Variants in SRPK2 observed in about 807,000 individuals in gnomAD.
SRPK2 encodes the protein SFRS protein kinase 2.
Under a neutral mutation model 90.8 loss-of-function variants are expected in SRPK2, and 21 were observed. The ratio of observed to expected loss-of-function variants is 0.23; its 90% CI spans 0.16 to 0.33. SRPK2 has a LOEUF of 0.33. Among genes scored for constraint, SRPK2 ranks in the 10% least tolerant of loss-of-function variants. The probability of loss-of-function intolerance (pLI) is 1.00; values close to 1 mark genes in which losing one functional copy is unlikely to be tolerated. For synonymous variants in SRPK2, 288 were observed against 311.1 expected, an observed-to-expected ratio of 0.93 and a Z score of 0.78; for missense variants, 620 against 869.0, an observed-to-expected ratio of 0.71 and a Z score of 3.60.
At chr7:105,325,225 GT>G (rs1813423953) in intron 2 of SRPK2, among the ~76,000 whole-genome samples, 1 of 152,144 alleles carries the variant, frequency 6.6e-6, no homozygotes, top group Admixed American at 6.6e-5. Context: ...TTTGAAACTA[GT>G]GGCTATGCTT....
rs148512599 is a variant in SRPK2, at chr7:105,397,903, T to C, written n.153+1253A>G. On this transcript the variant is annotated intron_variant and non_coding_transcript_variant, in intron 1 of 3. Transcript: ENST00000462282. Reference sequence around the variant, plus strand: ...CCTCAAGTGACCCACTCACCTCGGCTTCCCGAAGTGCTGGGATTACAGGTG... The same window carrying C: ...CCTCAAGTGACCCACTCACCTCGGCCTCCCGAAGTGCTGGGATTACAGGTG... Among the ~76,000 whole-genome samples the C allele has an allele frequency of 5.4e-3, 816 of 152,184 alleles. 17 individuals are homozygous for C. In the East Asian group the frequency reaches 0.067, roughly 12 times the overall value.
intron 2 of SRPK2, among the ~76,000 whole-genome samples, chr7:105,269,759 C>A (rs1479728985): frequency 2.6e-5 from 4 of 152,190 alleles, no homozygotes; most frequent in Admixed American, 6.5e-5. Flanking sequence ...CAACGACTGA[C>A]TAAAGCACAT....
chr7:105,244,984 C>T (rs1801406182), intron 2 of SRPK2: 1 of 1,127,974 alleles, frequency 8.9e-7, no homozygotes, highest in Admixed American at 2.0e-5. Flanking sequence ...CCCTTCCCTG[C>T]CCTCTCCCTG....
intron 2 of SRPK2, among the ~76,000 whole-genome samples, chr7:105,352,116 C>T (rs1248977166): frequency 3.3e-5 from 5 of 152,250 alleles, no homozygotes; most frequent in African/African-American, 9.6e-5. Context: ...CTAGAATCCC[C>T]GTCTTTTAAC....
intron 14 of SRPK2, 51 bp from the exon 15 acceptor site, chr7:105,126,391 G>A (rs182047476): frequency 8.1e-6 from 11 of 1,350,080 alleles, no homozygotes; most frequent in Admixed American, 5.7e-5. Flanking sequence ...CAAAGGGAAG[G>A]ATGGGATAAA....
At chr7:105,235,481 T>C (rs938006393) in intron 2 of SRPK2, among the ~76,000 whole-genome samples, 7 of 144,580 alleles carry the variant, frequency 4.8e-5, no homozygotes, top group South Asian at 4.4e-4. Flanking sequence ...TGTGTGTGTG[T>C]GCATGTGCAT....
chr7:105,309,567 C>G (rs1811488210), intron 2 of SRPK2, among the ~76,000 whole-genome samples: 2 of 152,164 alleles, frequency 1.3e-5, no homozygotes, highest in Admixed American at 6.5e-5. Context: ...AACCAGAACC[C>G]CATCTTTTAC....
rs551030338 is a variant in SRPK2, at chr7:105,280,860, T to C, written c.72-77075A>G. ...TACTCAGGAGGCTGACGCAGGAGAA[T>C]GGCGTGAACCCAGGAGGCAGAGTTT... On this transcript the variant is annotated intron_variant, in intron 2 of 15. Coordinates refer to ENST00000393651, the MANE Select transcript of SRPK2 (RefSeq NM_182692.3). 3.3e-3 allele frequency among the ~76,000 whole-genome samples: 441 copies of C among 135,508 alleles called. 1 individual carries two copies. The highest frequency in any genetic ancestry group is 4.5e-3 in the Non-Finnish European group (293 of 65,536). 88.9% of individuals were successfully genotyped at this position (135,508 alleles called of 152,430 possible).
chr7:105,268,600 C>G (rs1477196407), intron 2 of SRPK2, among the ~76,000 whole-genome samples: 1 of 152,222 alleles, frequency 6.6e-6, no homozygotes, highest in African/African-American at 2.4e-5. Context: ...TGCAGCTGAT[C>G]AGGCTCCACT....
Position 105,117,732 on chromosome 7 carries a change from G to T in SRPK2, c.*106C>A. The T allele has an allele frequency of 1.6e-6, 2 of 1,275,460 alleles. No homozygotes were observed. Among genetic ancestry groups the T allele is most frequent in the Non-Finnish European group, 2.2e-6 (2 of 910,470 alleles). The allele number at this position is 1,275,460 out of a possible 1,614,324, so 79.0% of individuals were successfully genotyped here. ...CCTCAAAGCAAAATAAAGGTCTGAG[G>T]ATGAAGCCAGCTCACTTGTAATCCT... On this transcript the variant is annotated 3_prime_UTR_variant, in exon 16 of 16. Coordinates refer to ENST00000393651, the MANE Select transcript of SRPK2 (RefSeq NM_182692.3).
At chr7:105,183,103 G>A (rs1459290661) in intron 3 of SRPK2, among the ~76,000 whole-genome samples, 3 of 152,128 alleles carry the variant, frequency 2.0e-5, no homozygotes, top group African/African-American at 4.8e-5. Context: ...TACAAAGCTG[G>A]AATCAAATTC....
chr7:105,179,194 T>C (rs746216418), intron 3 of SRPK2, among the ~76,000 whole-genome samples: 23 of 152,242 alleles, frequency 1.5e-4, no homozygotes, highest in Non-Finnish European at 7.3e-5. Context: ...CAGATATTTA[T>C]GCTTGAATTC....
At position 105,335,945 on chromosome 7, in the gene SRPK2, A is replaced by T. The variant is rs1337737805; in HGVS notation, c.71+52703T>A. 2.0e-5 allele frequency among the ~76,000 whole-genome samples: 3 copies of T among 152,020 alleles called. No homozygotes were observed. The East Asian group carries it at 5.8e-4, about 29-fold the overall frequency. ...CATTCCAGCCTGGGCAACTAGAGCA[A>T]AACTCCATCTAAAAAAAAAAAAACT... On this transcript the variant is annotated intron_variant, in intron 2 of 15. Transcript: ENST00000393651.
chr7:105,373,404 CTTTT>C (rs60572082), intron 2 of SRPK2, among the ~76,000 whole-genome samples: 2 of 127,442 alleles, frequency 1.6e-5, no homozygotes, highest in African/African-American at 5.7e-5. Flanking sequence ...TTTTCTTTTC[CTTTT>C]TTTTTTTTTT....
chr7:105,138,078 G>C (rs1303812159), intron 11 of SRPK2, among the ~76,000 whole-genome samples: 2 of 152,160 alleles, frequency 1.3e-5, no homozygotes, highest in Non-Finnish European at 2.9e-5. Flanking sequence ...GTTTCTACCT[G>C]ATGCAACAGG....
chr7:105,186,071 G>A (rs777830422), intron 3 of SRPK2, among the ~76,000 whole-genome samples: 3 of 152,120 alleles, frequency 2.0e-5, no homozygotes, highest in Non-Finnish European at 4.4e-5. Flanking sequence ...TAGGTTTAAT[G>A]TCTGCAAAAT....
chr7:105,220,199 A>T (rs761659394), intron 2 of SRPK2, among the ~76,000 whole-genome samples: 2 of 152,232 alleles, frequency 1.3e-5, no homozygotes, highest in Non-Finnish European at 2.9e-5. Flanking sequence ...TATACAGAAT[A>T]AGTAGTTTTG....
At chr7:105,366,458 C>T (rs912386126) in intron 2 of SRPK2, among the ~76,000 whole-genome samples, 1 of 150,038 alleles carries the variant, frequency 6.7e-6, no homozygotes, top group Non-Finnish European at 1.5e-5. Flanking sequence ...CAACCTCTGC[C>T]TCCCGGCCTC....
chr7:105,270,512 A>G (rs1805693327), intron 2 of SRPK2, among the ~76,000 whole-genome samples: 1 of 150,618 alleles, frequency 6.6e-6, no homozygotes, highest in Non-Finnish European at 1.5e-5. Flanking sequence ...GGTTCAAGCG[A>G]TTCTCCTGTC....
Sources: gnomAD v4.1 joint callset for allele counts (sites outside exome capture counted in the v4.1 genomes callset) on GRCh38, gnomAD v4.1.1 for gene constraint, MANE v1.5 for transcripts, NCBI Gene and HGNC (gene_info 2026-07-23, HGNC 2026-07-21) for gene names.